The following SNAPC3 variants were observed in gnomAD, a reference collection of about 807,000 sequenced individuals.
SNAPC3 encodes small nuclear RNA activating complex polypeptide 3.
SNAPC3 carries 56 observed loss-of-function variants against 47.7 expected under a neutral mutation model. The ratio of observed to expected loss-of-function variants is 1.18; its 90% confidence interval spans 0.95 to 1.47. SNAPC3 has a LOEUF of 1.47. Ranked by LOEUF, SNAPC3 falls within the 40% of genes most tolerant of loss-of-function variation. SNAPC3 has a pLI of 0.00. For missense variants in SNAPC3, 665 were observed against 511.3 expected (o/e 1.30, Z -2.90); for synonymous variants, 235 against 189.9 (o/e 1.24, Z -1.95).
chr9:15,465,056 T>G (rs114211035), downstream of SNAPC3: 1 of 224,808 alleles, frequency 4.4e-6, no homozygotes, highest in Non-Finnish European at 8.9e-6. Flanking sequence ...TAACATTTTA[T>G]CTACCATAAA....
intron 3 of SNAPC3, among the ~76,000 whole-genome samples, chr9:15,442,276 C>T (rs1236810004): frequency 4.7e-5 from 7 of 148,784 alleles, no homozygotes; most frequent in East Asian, 2.1e-4. Flanking sequence ...CTGGATGGGG[C>T]GGCTGGCCGG....
intron 6 of SNAPC3, among the ~76,000 whole-genome samples, chr9:15,451,661 C>T (rs1342141201): frequency 6.6e-6 from 1 of 152,018 alleles, no homozygotes; most frequent in Non-Finnish European, 1.5e-5. Context: ...CCTGTGAATA[C>T]CCACTGCTTT....
chr9:15,465,665 T>A, downstream of SNAPC3: 1 of 1,175,506 alleles, frequency 8.5e-7, no homozygotes, highest in Non-Finnish European at 1.2e-6. Flanking sequence ...CATTATATTT[T>A]TAAACCCATG....
chr9:15,432,094 T>G (rs2032237363), intron 2 of SNAPC3: 2 of 152,176 alleles, frequency 1.3e-5, no homozygotes, highest in African/African-American at 4.8e-5. Flanking sequence ...TGTAACTATT[T>G]TATGTATTTA....
chr9:15,444,742 A>G, intron 4 of SNAPC3, 36 bp downstream of exon 4: 1 of 1,107,032 alleles, frequency 9.0e-7, no homozygotes, highest in Non-Finnish European at 1.4e-6. Context: ...TATGGATAAT[A>G]GTAACTTTTG....
Position 15,423,939 on chromosome 9 carries a change from T to A in SNAPC3, c.345T>A (p.Gly115=). The change falls in exon 2 of 9, where the codon GGT becomes GGA. Residue 115 remains glycine (G), a synonymous_variant. Coordinates refer to ENST00000380821, the MANE Select transcript of SNAPC3 (RefSeq NM_001039697.2). ...ATAAACTGAAATGCCTTGAGGACGG[T>A]GAGGATCCAGAAGTCATTCCGGAGA... ...GLDKLKCLED[G]EDPEVIPENT... The A allele has an allele frequency of 6.3e-7, 1 of 1,589,278 alleles. No individual in the cohort carries two copies. Among genetic ancestry groups the A allele is most frequent in the Non-Finnish European group, 8.6e-7 (1 of 1,169,014 alleles).
At position 15,441,683 on chromosome 9, in the gene SNAPC3, C is replaced by T. The variant is rs569189936; in HGVS notation, c.478-2919C>T. On this transcript the variant is annotated intron_variant, in intron 3 of 8. Coordinates refer to ENST00000380821, the MANE Select transcript of SNAPC3 (RefSeq NM_001039697.2). ...TCCATTTAACCTTGAGTGGAGACAG[C>T]ACATGTTTCAGAGAGCAGGGGGTTG... 7.9e-5 allele frequency among the ~76,000 whole-genome samples: 12 copies of T among 152,182 alleles called. No homozygotes were observed. The East Asian group carries it at 2.3e-3, about 29-fold the overall frequency.
chr9:15,451,317 T>A lies in SNAPC3; in HGVS notation c.733-3T>A. 1 of 1,266,122 alleles carries A rather than the reference T, an allele frequency of 7.9e-7. No individual in the cohort carries two copies. Among genetic ancestry groups the A allele is most frequent in the South Asian group, 1.5e-5 (1 of 65,966 alleles). The allele number at this position is 1,266,122 out of a possible 1,614,324, so 78.4% of individuals were successfully genotyped here. On this transcript the variant is annotated splice_region_variant and splice_polypyrimidine_tract_variant and intron_variant, in intron 5 of 8. Coordinates refer to ENST00000380821, the MANE Select transcript of SNAPC3 (RefSeq NM_001039697.2). The stretch of plus-strand genomic sequence containing the variant: ...TCTCTCAATACAATCTGTTTTCTTG[T>A]AGGACCTATACAAATCAGCCTTCTT...
chr9:15,435,856 T>TTTG (rs1587233887), intron 3 of SNAPC3, among the ~76,000 whole-genome samples: 1 of 150,078 alleles, frequency 6.7e-6, no homozygotes, highest in South Asian at 2.1e-4. Flanking sequence ...TTTTTTTTTT[T>TTTG]TTTTGAGACA....
chr9:15,465,383 CAA>C (rs1302991384), downstream of SNAPC3: 1 of 716,294 alleles, frequency 1.4e-6, no homozygotes, highest in Non-Finnish European at 2.3e-6. Flanking sequence ...TACTTTAAAA[CAA>C]AGGGATTTTC....
chr9:15,462,065 C>G (rs1198524471), downstream of SNAPC3: 2 of 152,096 alleles, frequency 1.3e-5, no homozygotes, highest in Non-Finnish European at 2.9e-5. Context: ...CATGCATATG[C>G]AAGGATATTT....
chr9:15,422,919 G>A lies in SNAPC3; in HGVS notation c.40G>A (p.Val14Met). 6.5e-7 allele frequency: 1 copy of A among 1,536,750 alleles called. No individual in the cohort carries two copies. Among genetic ancestry groups the A allele is most frequent in the Non-Finnish European group, 8.8e-7 (1 of 1,142,834 alleles). ...CCGAGGTGGCCCTACGTGTAGCGGGGTGGGTGGCAGGCAGGACCCAGTCTC... is the reference window on the plus strand; with the variant it reads ...CCGAGGTGGCCCTACGTGTAGCGGGATGGGTGGCAGGCAGGACCCAGTCTC... ...GSRGGPTCSG[V>M]GGRQDPVSGS... The change falls in exon 1 of 9, where the codon GTG becomes ATG. Residue 14 changes from valine to methionine, a missense_variant. Coordinates refer to ENST00000380821, the MANE Select transcript of SNAPC3 (RefSeq NM_001039697.2).
intron 2 of SNAPC3, among the ~76,000 whole-genome samples, chr9:15,431,475 C>T (rs760148125): frequency 4.6e-5 from 7 of 152,156 alleles, no homozygotes; most frequent in Non-Finnish European, 8.8e-5. Flanking sequence ...GTTCAAATTG[C>T]TGTTCTTTTT....
At chr9:15,436,095 C>T (rs530615391) in intron 3 of SNAPC3, among the ~76,000 whole-genome samples, 6 of 152,296 alleles carry the variant, frequency 3.9e-5, no homozygotes, top group South Asian at 4.1e-4. Flanking sequence ...CCATGCGCCT[C>T]GGTCTCCCAA....
intron 7 of SNAPC3, among the ~76,000 whole-genome samples, chr9:15,454,235 A>G (rs1013120047): frequency 2.2e-4 from 33 of 151,864 alleles, no homozygotes; most frequent in Non-Finnish European, 7.4e-5. Flanking sequence ...GTCTCAAAAA[A>G]AAAAAAAAGA....
intron 2 of SNAPC3, among the ~76,000 whole-genome samples, 156 bp from the exon 3 acceptor site, chr9:15,433,396 A>T (rs1482560499): frequency 6.6e-6 from 1 of 152,214 alleles, no homozygotes; most frequent in Admixed American, 6.5e-5. Context: ...ATGTTGACAT[A>T]AGGGAAGCTG....
chr9:15,451,803 C>G (rs540099784), intron 6 of SNAPC3, among the ~76,000 whole-genome samples: 1 of 151,896 alleles, frequency 6.6e-6, no homozygotes, highest in African/African-American at 2.4e-5. Context: ...TTTTTTCTGC[C>G]TATCCAGCAT....
At chr9:15,432,628 A>G (rs1245518852) in intron 2 of SNAPC3, among the ~76,000 whole-genome samples, 1 of 152,220 alleles carries the variant, frequency 6.6e-6, no homozygotes, top group African/African-American at 2.4e-5. Flanking sequence ...TAGTGATAGT[A>G]TTAGATTTTA....
rs75348672 is a variant in SNAPC3, at chr9:15,455,232, A to C, written c.980+2027A>C. The stretch of plus-strand genomic sequence containing the variant: ...AAACCTTGGATTTATATGACTTTTA[A>C]AATTATAGACAGTACATTTATGTCT... On this transcript the variant is annotated intron_variant, in intron 7 of 8. Coordinates refer to ENST00000380821, the MANE Select transcript of SNAPC3 (RefSeq NM_001039697.2). Among the ~76,000 whole-genome samples the C allele has an allele frequency of 4.4e-3, 671 of 152,310 alleles. 3 individuals are homozygous for C. The highest frequency in any genetic ancestry group is 0.016 in the African/African-American group (646 of 41,558).
Sources: gnomAD v4.1 joint callset for allele counts (sites outside exome capture counted in the v4.1 genomes callset) on GRCh38, gnomAD v4.1.1 for gene constraint, MANE v1.5 for transcripts, NCBI Gene and HGNC (gene_info 2026-07-23, HGNC 2026-07-21) for gene names.